The following LRP1B variants were observed in gnomAD, a reference collection of about 807,000 sequenced individuals.
LRP1B encodes the protein LDL receptor related protein 1B, also known as low-density lipoprotein receptor-related protein 1B.
A neutral mutation model predicts 556.6 loss-of-function variants in LRP1B; 217 were observed. That is an observed-to-expected ratio of 0.39 (90% CI 0.35 to 0.44). The LOEUF (loss-of-function observed/expected upper bound fraction) is 0.44, where lower values mean the gene tolerates loss of function less well. LRP1B is among the 20% of genes least tolerant of loss of function. The probability of loss-of-function intolerance (pLI) is 1.00; values close to 1 mark genes in which losing one functional copy is unlikely to be tolerated. For missense variants in LRP1B, 5,053 were observed against 5,620.8 expected, an observed-to-expected ratio of 0.90 and a Z score of 3.23; for synonymous variants, 2,047 against 1,865.8, an observed-to-expected ratio of 1.10 and a Z score of -2.50.
intron 3 of LRP1B, among the ~76,000 whole-genome samples, chr2:141,305,188 T>G (rs1352038302): frequency 6.6e-6 from 1 of 152,222 alleles, no homozygotes; most frequent in Admixed American, 6.5e-5. Flanking sequence ...ATGGTCATTT[T>G]AAAAATATTA....
intron 7 of LRP1B, among the ~76,000 whole-genome samples, chr2:141,174,000 ATACTT>A (rs1035357023): frequency 2.0e-4 from 31 of 152,196 alleles, no homozygotes; most frequent in African/African-American, 7.2e-4. Context: ...TAGAGATAGA[ATACTT>A]TTCTTTCTCT....
At chr2:140,329,610 C>A (rs1558806286) in intron 79 of LRP1B, among the ~76,000 whole-genome samples, 1 of 151,886 alleles carries the variant, frequency 6.6e-6, no homozygotes, top group Non-Finnish European at 1.5e-5. Context: ...AATAGGCAAG[C>A]AGAGAGCCAA....
intron 32 of LRP1B, among the ~76,000 whole-genome samples, chr2:140,789,938 T>C (rs534740997): frequency 6.6e-6 from 1 of 152,154 alleles, no homozygotes; most frequent in South Asian, 2.1e-4. Context: ...CCAAGGACTT[T>C]TTATTTGCTA....
At chr2:140,684,880 G>T (rs1178012356) in intron 41 of LRP1B, among the ~76,000 whole-genome samples, 1 of 152,112 alleles carries the variant, frequency 6.6e-6, no homozygotes, top group Non-Finnish European at 1.5e-5. Context: ...AAAATCAAAT[G>T]CTTCTAACAA....
In LRP1B at chr2:141,384,668, G is replaced by A. The variant is rs147053898; in HGVS notation, c.343+95728C>T. Reference sequence around the variant, plus strand: ...CTCAGCAGCATGCCACAGGTTGCTCGGGGAAATAACACTCCCTTGAAGCAG... The same window carrying A: ...CTCAGCAGCATGCCACAGGTTGCTCAGGGAAATAACACTCCCTTGAAGCAG... On this transcript the variant is annotated intron_variant, in intron 3 of 90. Coordinates refer to ENST00000389484, the MANE Select transcript of LRP1B (RefSeq NM_018557.3). Among the ~76,000 whole-genome samples the A allele has an allele frequency of 4.9e-3, 749 of 152,114 alleles. 6 individuals carry two copies. The highest frequency in any genetic ancestry group is 8.5e-3 in the Non-Finnish European group (575 of 67,990).
chr2:141,452,670 C>T (rs1405265209), intron 3 of LRP1B, among the ~76,000 whole-genome samples: 1 of 152,150 alleles, frequency 6.6e-6, no homozygotes, highest in Non-Finnish European at 1.5e-5. Flanking sequence ...CAATGTTGTC[C>T]ATTATAGTTG....
chr2:141,907,086 T>A (rs1699778994), intron 1 of LRP1B, among the ~76,000 whole-genome samples: 1 of 152,056 alleles, frequency 6.6e-6, no homozygotes, highest in Non-Finnish European at 1.5e-5. Context: ...CAATCAAATG[T>A]ATAGTTCAGT....
chr2:141,301,086 T>C (rs1258520594), intron 3 of LRP1B, among the ~76,000 whole-genome samples: 2 of 152,120 alleles, frequency 1.3e-5, no homozygotes, highest in African/African-American at 4.8e-5. Context: ...AAGCAGGAGA[T>C]ATATTATGTT....
chr2:140,641,329 A>C (rs1684285359), intron 41 of LRP1B, among the ~76,000 whole-genome samples: 1 of 152,214 alleles, frequency 6.6e-6, no homozygotes, highest in South Asian at 2.1e-4. Context: ...CTGTGGGGAA[A>C]GTCTAAATCA....
chr2:141,278,894 A>G (rs16845745), intron 3 of LRP1B, among the ~76,000 whole-genome samples: 2,208 of 152,228 alleles, frequency 0.015, 56 homozygotes, highest in African/African-American at 0.049. Context: ...GATTTCTTCA[A>G]TTACTCTTAA....
At chr2:140,910,705 C>T (rs918076032) in intron 21 of LRP1B, among the ~76,000 whole-genome samples, 1 of 151,570 alleles carries the variant, frequency 6.6e-6, no homozygotes, top group Non-Finnish European at 1.5e-5. Flanking sequence ...ATTCAATATC[C>T]CTTTCAATTA....
intron 2 of LRP1B, among the ~76,000 whole-genome samples, chr2:141,679,102 G>A (rs893392708): frequency 6.6e-6 from 1 of 152,098 alleles, no homozygotes; most frequent in Non-Finnish European, 1.5e-5. Context: ...AAAGAACTGA[G>A]GGAGGCCCCT....
chr2:141,688,833 T>C (rs1691408894), intron 2 of LRP1B, among the ~76,000 whole-genome samples: 1 of 151,882 alleles, frequency 6.6e-6, no homozygotes, highest in Non-Finnish European at 1.5e-5. Context: ...CTCCTTTCTT[T>C]ACCTAGGATG....
At chr2:141,268,146 C>A (rs919561598) in intron 3 of LRP1B, among the ~76,000 whole-genome samples, 3 of 152,096 alleles carry the variant, frequency 2.0e-5, no homozygotes, top group African/African-American at 7.2e-5. Context: ...CCACGCCTGG[C>A]ATACATCAGG....
At chr2:140,699,696 C>T (rs1345602265) in intron 41 of LRP1B, among the ~76,000 whole-genome samples, 1 of 150,658 alleles carries the variant, frequency 6.6e-6, no homozygotes, top group Non-Finnish European at 1.5e-5. Context: ...GAACACTATG[C>T]TTGAATAATT....
chr2:141,073,365 C>A (rs1039758574), intron 7 of LRP1B, among the ~76,000 whole-genome samples: 1 of 151,844 alleles, frequency 6.6e-6, no homozygotes, highest in Non-Finnish European at 1.5e-5. Flanking sequence ...CATTTTTTTT[C>A]TCTTAGCACT....
intron 29 of LRP1B, among the ~76,000 whole-genome samples, chr2:140,844,931 A>C (rs964872799): frequency 3.3e-5 from 5 of 152,204 alleles, no homozygotes; most frequent in South Asian, 2.1e-4. Context: ...TGAGAGCTTC[A>C]TGGAGTATGA....
At chr2:141,545,473 G>A (rs1337248556) in intron 2 of LRP1B, among the ~76,000 whole-genome samples, 1 of 152,174 alleles carries the variant, frequency 6.6e-6, no homozygotes, top group Non-Finnish European at 1.5e-5. Context: ...ACAGATGAGA[G>A]TAAAGCTAAG....
chr2:141,208,679 A>C (rs1237473453), intron 6 of LRP1B, among the ~76,000 whole-genome samples: 2 of 151,900 alleles, frequency 1.3e-5, no homozygotes, highest in Non-Finnish European at 2.9e-5. Context: ...CATCCTGGCT[A>C]ACACAGTGCA....
Sources: gnomAD v4.1 joint callset for allele counts (sites outside exome capture counted in the v4.1 genomes callset) on GRCh38, gnomAD v4.1.1 for gene constraint, MANE v1.5 for transcripts, NCBI Gene and HGNC (gene_info 2026-07-23, HGNC 2026-07-21) for gene names.